Variants in PRAC2 observed in about 807,000 individuals in gnomAD.
The protein encoded by PRAC2 is PRAC2 small nuclear protein, also known as protein PRAC2.
For missense variants in PRAC2, 92 were observed against 114.5 expected (o/e 0.80, Z 0.90); for synonymous variants, 43 against 49.5 (o/e 0.87, Z 0.55).
upstream of PRAC2, among the ~76,000 whole-genome samples, chr17:48,719,015 G>T (rs1018461071): frequency 1.3e-5 from 2 of 152,170 alleles, no homozygotes; most frequent in Admixed American, 6.5e-5. Context: ...GGGACTCCCG[G>T]CTGGAAAGGA....
chr17:48,724,393 G>A lies in PRAC2; in HGVS notation c.-18G>A. On this transcript the variant is annotated 5_prime_UTR_variant, in exon 2 of 2. Coordinates refer to ENST00000422730, the MANE Select transcript of PRAC2 (RefSeq NM_001282275.2). ...GGTCCACACCACTAATTATTATGGC[G>A]AGGAAGATAAAGAAGACATGGACAG... 3 of 1,234,350 alleles carry A rather than the reference G, an allele frequency of 2.4e-6. No individual in the cohort carries two copies. The highest frequency in any genetic ancestry group is 6.3e-5 in the East Asian group (2 of 31,708). The allele number at this position is 1,234,350 out of a possible 1,614,324, so 76.5% of individuals were successfully genotyped here.
In PRAC2 at chr17:48,724,613, C is replaced by A. The variant is rs1398514597; in HGVS notation, c.203C>A (p.Ala68Asp). The change falls in exon 2 of 2, where the codon GCC becomes GAC. Residue 68 changes from alanine to aspartate, a missense_variant. Transcript: ENST00000422730. ...CACACGCAGCTCAGTACCCACGAGGCCCCAGGCCGCTGGAAGCCTGTAGCT... is the reference window on the plus strand; with the variant it reads ...CACACGCAGCTCAGTACCCACGAGGACCCAGGCCGCTGGAAGCCTGTAGCT... ...DPHTQLSTHE[A>D]PGRWKPVAPR... The A allele has an allele frequency of 1.6e-6, 2 of 1,232,066 alleles. No homozygotes were observed. The highest frequency in any genetic ancestry group is 1.6e-5 in the African/African-American group (1 of 64,418). 76.3% of individuals were successfully genotyped at this position (1,232,066 alleles called of 1,614,324 possible).
chr17:48,721,047 G>A (rs1004770791), upstream of PRAC2, among the ~76,000 whole-genome samples: 6 of 152,190 alleles, frequency 3.9e-5, no homozygotes, highest in East Asian at 1.2e-3. Flanking sequence ...GGGGGAACTG[G>A]CAGGGAAGGA....
upstream of PRAC2, among the ~76,000 whole-genome samples, chr17:48,719,756 C>G (rs966563461): frequency 3.3e-5 from 5 of 152,292 alleles, no homozygotes; most frequent in Admixed American, 3.3e-4. Flanking sequence ...GCCTGACTTG[C>G]CGGATGGCCT....
upstream of PRAC2, chr17:48,721,870 G>T: frequency 6.5e-7 from 1 of 1,534,606 alleles, no homozygotes. Context: ...TCCTGGTCTC[G>T]CCCAGTAGAT....
rs2038180972 is a variant in PRAC2, at chr17:48,724,391, G to A, written c.-20G>A. 3.2e-6 allele frequency: 4 copies of A among 1,234,232 alleles called. No homozygotes were observed. Among genetic ancestry groups the A allele is most frequent in the African/African-American group, 1.6e-5 (1 of 64,482 alleles). 76.5% of individuals were successfully genotyped at this position (1,234,232 alleles called of 1,614,324 possible). ...GGGGTCCACACCACTAATTATTATG[G>A]CGAGGAAGATAAAGAAGACATGGAC... On this transcript the variant is annotated 5_prime_UTR_variant, in exon 2 of 2. Transcript: ENST00000422730.
chr17:48,720,730 C>G (rs1379155280), upstream of PRAC2, among the ~76,000 whole-genome samples: 3 of 152,240 alleles, frequency 2.0e-5, no homozygotes, highest in African/African-American at 7.2e-5. Flanking sequence ...CGTGTTTAAT[C>G]CCCTGTTTGC....
rs1031782519 is a variant in PRAC2 at position 48,723,273 on chromosome 17, C to A, written c.-124C>A. 6.3e-6 allele frequency: 1 copy of A among 159,762 alleles called. No individual in the cohort carries two copies. Among genetic ancestry groups the A allele is most frequent in the Non-Finnish European group, 1.4e-5 (1 of 73,264 alleles). 9.9% of individuals were successfully genotyped at this position (159,762 alleles called of 1,614,324 possible). On this transcript the variant is annotated 5_prime_UTR_variant, in exon 1 of 2. Coordinates refer to ENST00000422730, the MANE Select transcript of PRAC2 (RefSeq NM_001282275.2). ...AAAACAACGAAACCTTCTTTTGCCC[C>A]CTCCGCAGCAGTCGCCTCCGGGCTT...
chr17:48,720,288 T>C (rs2038132576), upstream of PRAC2, among the ~76,000 whole-genome samples: 1 of 152,214 alleles, frequency 6.6e-6, no homozygotes, highest in Admixed American at 6.5e-5. Flanking sequence ...GAGATGCCCC[T>C]GCTCTCTGCC....
chr17:48,722,178 C>T (rs1217163687), upstream of PRAC2: 4 of 759,790 alleles, frequency 5.3e-6, no homozygotes, highest in Non-Finnish European at 8.7e-6. Context: ...TCGGTGAAAG[C>T]CTGCTGCTCA....
rs2038173617 is a variant in PRAC2 at position 48,723,859 on chromosome 17, C to T, written c.-83-469C>T. ...CTTGCTTTGGAGTTAGAAATTATTT[C>T]GGGCCTGGAGCCCGCGTAGACGCGA... is the stretch of plus-strand genomic sequence containing the variant. On this transcript the variant is annotated intron_variant, in intron 1 of 1. Coordinates refer to ENST00000422730, the MANE Select transcript of PRAC2 (RefSeq NM_001282275.2). 13 of 1,036,292 alleles carry T rather than the reference C, an allele frequency of 1.3e-5. 1 individual carries two copies. In the African/African-American group the frequency reaches 1.5e-4, roughly 12 times the overall value. The allele number at this position is 1,036,292 out of a possible 1,614,324, so 64.2% of individuals were successfully genotyped here.
intron 1 of PRAC2, chr17:48,723,774 AG>A (rs2038172659): frequency 8.1e-7 from 1 of 1,231,418 alleles, no homozygotes; most frequent in Non-Finnish European, 1.0e-6. Context: ...TTCCGGAGGT[AG>A]TTTCTACGCA....
Position 48,724,335 on chromosome 17 carries a change from AC to A in PRAC2, c.-75del. The A allele has an allele frequency of 8.9e-6, 11 of 1,233,418 alleles. No homozygotes were observed. Among genetic ancestry groups the A allele is most frequent in the Non-Finnish European group, 1.1e-5 (11 of 987,318 alleles). The allele number at this position is 1,233,418 out of a possible 1,614,324, so 76.4% of individuals were successfully genotyped here. ...TAAATATTTTTTGCACAGGTTCCAT[AC>A]AAGTAAATCCGAAAAAAAGTGTGTG... On this transcript the variant is annotated 5_prime_UTR_variant, in exon 2 of 2. Transcript: ENST00000422730.
upstream of PRAC2, among the ~76,000 whole-genome samples, chr17:48,719,142 T>A (rs1382059198): frequency 1.3e-5 from 2 of 151,744 alleles, no homozygotes; most frequent in African/African-American, 4.8e-5. Flanking sequence ...GACCCGGAGA[T>A]CGAGTGTTTG....
upstream of PRAC2, among the ~76,000 whole-genome samples, chr17:48,721,354 C>A (rs1277341336): frequency 2.0e-5 from 3 of 152,092 alleles, no homozygotes; most frequent in Non-Finnish European, 4.4e-5. Flanking sequence ...GTCACAGAGT[C>A]TCACTCTGTC....
At chr17:48,721,873 CAGT>C (rs1387647369), upstream of PRAC2, 25 of 1,533,880 alleles carry the variant, frequency 1.6e-5, no homozygotes, top group Non-Finnish European at 2.0e-5. Flanking sequence ...TGGTCTCGCC[CAGT>C]AGATGTTTCA....
At chr17:48,719,205 GCACACAAACA>G (rs1190995377), upstream of PRAC2, among the ~76,000 whole-genome samples, 74 of 117,714 alleles carry the variant, frequency 6.3e-4, no homozygotes, top group South Asian at 0.013. Context: ...GCACGCGCTC[GCACACAAACA>G]CACACACACA....
chr17:48,722,734 C>T (rs2038159035), upstream of PRAC2, among the ~76,000 whole-genome samples: 2 of 152,044 alleles, frequency 1.3e-5, no homozygotes, highest in Admixed American at 6.5e-5. Flanking sequence ...GGCTTCCTCC[C>T]TCTTTCCCAA....
chr17:48,723,638 A>G (rs889602262), intron 1 of PRAC2: 2 of 1,134,198 alleles, frequency 1.8e-6, no homozygotes, highest in Non-Finnish European at 2.2e-6. Flanking sequence ...GGCGGGGCGG[A>G]TTCTCGGCTG....
Sources: allele counts gnomAD v4.1 joint callset (sites outside exome capture counted in the v4.1 genomes callset), GRCh38; gene constraint gnomAD v4.1.1; transcripts MANE v1.5; gene names NCBI Gene and HGNC (gene_info 2026-07-23, HGNC 2026-07-21).